The following GTF3C1 variants were observed in gnomAD, a reference collection of about 807,000 sequenced individuals.
GTF3C1 encodes general transcription factor 3C polypeptide 1.
In GTF3C1, 57 loss-of-function variants were observed where a neutral mutation model predicts 226.7. The observed-to-expected ratio is 0.25, with a 90% confidence interval of 0.20 to 0.31. The LOEUF (loss-of-function observed/expected upper bound fraction) is 0.31. GTF3C1 is among the 10% of genes least tolerant of loss of function. GTF3C1 has a pLI of 1.00. For missense variants in GTF3C1, 2,217 were observed against 2,776.1 expected, an observed-to-expected ratio of 0.80 and a Z score of 4.53; for synonymous variants, 1,090 against 1,084.8, an observed-to-expected ratio of 1.00 and a Z score of -0.09.
intron 25 of GTF3C1, chr16:27,483,453 C>A: frequency 2.0e-6 from 1 of 499,240 alleles, no homozygotes; most frequent in Non-Finnish European, 3.9e-6. Context: ...GTGCATCACA[C>A]ATTTAAAAAC....
chr16:27,460,864 G>A lies in GTF3C1; in HGVS notation c.*486C>T. 1 of 154,894 alleles carries A rather than the reference G, an allele frequency of 6.5e-6. No individual in the cohort carries two copies. The highest frequency in any genetic ancestry group is 1.4e-5 in the Non-Finnish European group (1 of 69,460). The allele number at this position is 154,894 out of a possible 1,614,324, so 9.6% of individuals were successfully genotyped here. On this transcript the variant is annotated 3_prime_UTR_variant, in exon 37 of 37. Transcript: ENST00000356183. ...CTCCGCTCTGGGTGGTTCAGTCCCA[G>A]CCAGGGGTTGGGATGTCCTGCCTGC...
At position 27,461,828 on chromosome 16, in the gene GTF3C1, A is replaced by G; in HGVS notation, c.6118-266T>C. 1 of 492,636 alleles carries G rather than the reference A, an allele frequency of 2.0e-6. No individual in the cohort carries two copies. The highest frequency in any genetic ancestry group is 3.0e-5 in the South Asian group (1 of 32,982). The allele number at this position is 492,636 out of a possible 1,614,324, so 30.5% of individuals were successfully genotyped here. On this transcript the variant is annotated intron_variant, in intron 36 of 36. Coordinates refer to ENST00000356183, the MANE Select transcript of GTF3C1 (RefSeq NM_001520.4). The surrounding 1 kb of genome is among the most constrained non-coding windows in gnomAD (Gnocchi z 5.3). ...TCTCATTTGTGGAGGAGAGGCCTGC[A>G]GCGCGGGATAAATCCCAGCTTCCTG...
chr16:27,507,245 T>C lies in GTF3C1; in HGVS notation c.1243-89A>G. 1 of 1,020,196 alleles carries C rather than the reference T, an allele frequency of 9.8e-7. No individual in the cohort carries two copies. Among genetic ancestry groups the C allele is most frequent in the Non-Finnish European group, 1.4e-6 (1 of 691,778 alleles). The allele number at this position is 1,020,196 out of a possible 1,614,324, so 63.2% of individuals were successfully genotyped here. A position where few individuals can be genotyped will look rare whatever the true frequency, so the allele number is the denominator to read the frequency against. On this transcript the variant is annotated intron_variant, in intron 8 of 36. Transcript: ENST00000356183. The surrounding 1 kb of genome is among the most constrained non-coding windows in gnomAD (Gnocchi z 4.9). The stretch of plus-strand genomic sequence containing the variant: ...TGGTCTGTGGCATCTATTTCCTTAT[T>C]GGCTTTCTTCTGTTTCTCCTGTCTT...
intron 6 of GTF3C1, among the ~76,000 whole-genome samples, chr16:27,519,755 AAG>A (rs909556733): frequency 6.6e-5 from 10 of 152,194 alleles, no homozygotes; most frequent in African/African-American, 2.4e-4. Context: ...AAAGAAAGGA[AAG>A]AGAGAGAAAG....
chr16:27,532,745 G>A (rs549264358), intron 5 of GTF3C1, among the ~76,000 whole-genome samples: 2 of 152,260 alleles, frequency 1.3e-5, no homozygotes, highest in African/African-American at 2.4e-5. Context: ...TTCCTATTCC[G>A]TCTGAACTTT....
chr16:27,463,827 C>T lies in GTF3C1; in HGVS notation c.5873-235G>A, dbSNP rs2087740840. On this transcript the variant is annotated intron_variant, in intron 34 of 36. Coordinates refer to ENST00000356183, the MANE Select transcript of GTF3C1 (RefSeq NM_001520.4). This position sits in a 1 kb window ranked among gnomAD's most constrained non-coding sequence, Gnocchi z 4.9. ...AGCAGCGTCCCAGGCCCGGACAAGCCCCACATTGCAGGAAGCCAGCGAACA... is the reference window on the plus strand; with the variant it reads ...AGCAGCGTCCCAGGCCCGGACAAGCTCCACATTGCAGGAAGCCAGCGAACA... 1.8e-5 allele frequency: 10 copies of T among 551,788 alleles called. No homozygotes were observed. The South Asian group carries it at 2.4e-4, about 13-fold the overall frequency. 34.2% of individuals were successfully genotyped at this position (551,788 alleles called of 1,614,324 possible). A position where few individuals can be genotyped will look rare whatever the true frequency, so the allele number is the denominator to read the frequency against.
rs2087827654 is a variant in GTF3C1 at position 27,469,193 on chromosome 16, C to T, written c.5074+98G>A. The T allele has an allele frequency of 7.8e-7, 1 of 1,275,606 alleles. No homozygotes were observed. Among genetic ancestry groups the T allele is most frequent in the African/African-American group, 1.5e-5 (1 of 66,660 alleles). 79.0% of individuals were successfully genotyped at this position (1,275,606 alleles called of 1,614,324 possible). A position where few individuals can be genotyped will look rare whatever the true frequency, so the allele number is the denominator to read the frequency against. On this transcript the variant is annotated intron_variant, in intron 32 of 36. Coordinates refer to ENST00000356183, the MANE Select transcript of GTF3C1 (RefSeq NM_001520.4). This position sits in a 1 kb window ranked among gnomAD's most constrained non-coding sequence, Gnocchi z 4.5. ...TGTGTTCTGTGGCTGCACGCCTGGC[C>T]TGGGGAGCCTGAAGGTCTAGGTCCC...
At chr16:27,479,698 A>T (rs899250713) in intron 27 of GTF3C1, among the ~76,000 whole-genome samples, 2 of 151,930 alleles carry the variant, frequency 1.3e-5, no homozygotes, top group Non-Finnish European at 2.9e-5. Flanking sequence ...CGAATTGCTG[A>T]CCTCAGGTGA....
In GTF3C1 at chr16:27,471,614, G is replaced by A. The variant is rs1326769958; in HGVS notation, c.4526+134C>T. 7 of 696,114 alleles carry A rather than the reference G, an allele frequency of 1.0e-5. No homozygotes were observed. Among genetic ancestry groups the A allele is most frequent in the East Asian group, 5.0e-5 (2 of 39,650 alleles). The allele number at this position is 696,114 out of a possible 1,614,324, so 43.1% of individuals were successfully genotyped here. A position where few individuals can be genotyped will look rare whatever the true frequency, so the allele number is the denominator to read the frequency against. On this transcript the variant is annotated intron_variant, in intron 30 of 36. Coordinates refer to ENST00000356183, the MANE Select transcript of GTF3C1 (RefSeq NM_001520.4). This position sits in a 1 kb window ranked among gnomAD's most constrained non-coding sequence, Gnocchi z 5.0. Reference sequence around the variant, plus strand: ...TAAGGGGCTGCAGGAAACCCAAGCCGGCATCTTGCACATGAGGCTGCGAAG... The same window carrying A: ...TAAGGGGCTGCAGGAAACCCAAGCCAGCATCTTGCACATGAGGCTGCGAAG...
Position 27,463,892 on chromosome 16 carries a change from A to T in GTF3C1, c.5873-300T>A. 2.2e-6 allele frequency: 1 copy of T among 450,092 alleles called. No individual in the cohort carries two copies. Among genetic ancestry groups the T allele is most frequent in the Non-Finnish European group, 3.9e-6 (1 of 256,734 alleles). The allele number at this position is 450,092 out of a possible 1,614,324, so 27.9% of individuals were successfully genotyped here. A position where few individuals can be genotyped will look rare whatever the true frequency, so the allele number is the denominator to read the frequency against. On this transcript the variant is annotated intron_variant, in intron 34 of 36. Transcript: ENST00000356183. This position sits in a 1 kb window ranked among gnomAD's most constrained non-coding sequence, Gnocchi z 4.9. ...CAGAAGCCCCGACCACAAGGGTGGT[A>T]TAAAACCCGAGGCAAAAACACCCCA...
At chr16:27,501,118 T>C (rs1221382737) in intron 12 of GTF3C1, 73 bp downstream of exon 12, 2 of 1,245,262 alleles carry the variant, frequency 1.6e-6, no homozygotes, top group Non-Finnish European at 1.2e-6. Flanking sequence ...GATACAGCAA[T>C]GACAAGAGAA....
At chr16:27,506,244 G>GATACGGC in intron 9 of GTF3C1, 128 bp from the exon 10 acceptor site, 1 of 606,016 alleles carries the variant, frequency 1.7e-6, no homozygotes, top group South Asian at 2.0e-5. Context: ...TGAGGGAAGT[G>GATACGGC]GACCAGCAGC....
At chr16:27,468,364 G>A (rs1257462140) in intron 32 of GTF3C1, among the ~76,000 whole-genome samples, 1 of 152,182 alleles carries the variant, frequency 6.6e-6, no homozygotes, top group Non-Finnish European at 1.5e-5. Context: ...CATGCCTGTT[G>A]TCCCAGCACT....
chr16:27,496,661 C>A (rs2088322172), intron 14 of GTF3C1, among the ~76,000 whole-genome samples: 1 of 152,222 alleles, frequency 6.6e-6, no homozygotes, highest in South Asian at 2.1e-4. Flanking sequence ...CACTTGGCCT[C>A]CCAAAGTGTT....
chr16:27,533,243 A>G (rs770604773), intron 5 of GTF3C1, 48 bp downstream of exon 5: 1 of 894,172 alleles, frequency 1.1e-6, no homozygotes, highest in African/African-American at 1.6e-5. Flanking sequence ...CCTCCCGGCT[A>G]TGGTACAGAT....
At chr16:27,523,672 A>C (rs2088785445) in intron 6 of GTF3C1, among the ~76,000 whole-genome samples, 1 of 152,144 alleles carries the variant, frequency 6.6e-6, no homozygotes, top group Non-Finnish European at 1.5e-5. Context: ...TACAGCCTTT[A>C]AAAAGGACAT....
At position 27,498,699 on chromosome 16, in the gene GTF3C1, T is replaced by G; in HGVS notation, c.2096A>C (p.Asn699Thr). The change falls in exon 13 of 37, where the codon AAC becomes ACC. Residue 699 changes from asparagine to threonine, a missense_variant. Transcript: ENST00000356183. Reference sequence around the variant, plus strand: ...GATGGCACTTCTCACTAGAGGGTCGTTCTGGTCCATGGACGGGTGCACCAC... The same window carrying G: ...GATGGCACTTCTCACTAGAGGGTCGGTCTGGTCCATGGACGGGTGCACCAC... ...DLVVHPSMDQNDPLVRSAIEQ... is the reference protein window; with the variant it reads ...DLVVHPSMDQTDPLVRSAIEQ... 6.2e-7 allele frequency: 1 copy of G among 1,603,850 alleles called. No individual in the cohort carries two copies. The highest frequency in any genetic ancestry group is 1.3e-5 in the African/African-American group (1 of 74,814).
chr16:27,463,626 G>C lies in GTF3C1; in HGVS notation c.5873-34C>G. On this transcript the variant is annotated intron_variant, in intron 34 of 36. Transcript: ENST00000356183. This position sits in a 1 kb window ranked among gnomAD's most constrained non-coding sequence, Gnocchi z 4.9. ...AGAGGAAGAGAATGTGAGAGACTCGGAAAGTCAGGGAAGCCATCTCTGCCC... is the reference window on the plus strand; with the variant it reads ...AGAGGAAGAGAATGTGAGAGACTCGCAAAGTCAGGGAAGCCATCTCTGCCC... 7.6e-7 allele frequency: 1 copy of C among 1,318,314 alleles called. No individual in the cohort carries two copies. Among genetic ancestry groups the C allele is most frequent in the Non-Finnish European group, 1.1e-6 (1 of 909,384 alleles). The allele number at this position is 1,318,314 out of a possible 1,614,324, so 81.7% of individuals were successfully genotyped here. A position where few individuals can be genotyped will look rare whatever the true frequency, so the allele number is the denominator to read the frequency against.
At chr16:27,515,774 G>A (rs1438538901) in intron 6 of GTF3C1, among the ~76,000 whole-genome samples, 1 of 152,226 alleles carries the variant, frequency 6.6e-6, no homozygotes, top group Non-Finnish European at 1.5e-5. Flanking sequence ...CGGGGTTAAT[G>A]TTAGCATGGC....
Sources: gnomAD v4.1 joint callset for allele counts (sites outside exome capture counted in the v4.1 genomes callset) on GRCh38, gnomAD v4.1.1 for gene constraint, Gnocchi (gnomAD v3.1) non-coding constraint, MANE v1.5 for transcripts, NCBI Gene and HGNC (gene_info 2026-07-23, HGNC 2026-07-21) for gene names.